LNX2: variants seen among roughly 807,000 people sequenced by gnomAD.
The protein encoded by LNX2 is ligand of numb-protein X 2.
LNX2 carries 35 observed loss-of-function variants against 66.2 expected under a neutral mutation model. The observed-to-expected ratio is 0.53, with a 90% confidence interval of 0.40 to 0.70. The LOEUF is 0.70. LNX2 is among the 30% of genes least tolerant of loss of function. LNX2 has a pLI of 0.00. For synonymous variants in LNX2, 337 were observed against 315.6 expected, an observed-to-expected ratio of 1.07 and a Z score of -0.72; for missense variants, 791 against 850.8, an observed-to-expected ratio of 0.93 and a Z score of 0.87.
chr13:27,555,895 A>C (rs1955054504), intron 7 of LNX2, among the ~76,000 whole-genome samples: 2 of 152,202 alleles, frequency 1.3e-5, no homozygotes, highest in African/African-American at 4.8e-5. Context: ...CCCCTTCTAC[A>C]CAGACACTTT....
Position 27,548,431 on chromosome 13 carries a change from G to C in LNX2, c.1977C>G (p.Thr659=), listed in dbSNP as rs369839358. ...DMIVAVNGLS[T]VGMSHSALVP... Reference sequence around the variant, plus strand: ...CTAGTGCAGAGTGGCTCATGCCCACGGTTGACAGCCCATTTACGGCCACAA... The same window carrying C: ...CTAGTGCAGAGTGGCTCATGCCCACCGTTGACAGCCCATTTACGGCCACAA... Residue 659 remains threonine, a synonymous_variant, in exon 10 of 10, where the codon ACC becomes ACG. Transcript: ENST00000316334. 6.2e-7 allele frequency: 1 copy of C among 1,614,010 alleles called. No individual in the cohort carries two copies. The highest frequency in any genetic ancestry group is 8.5e-7 in the Non-Finnish European group (1 of 1,179,950).
intron 1 of LNX2, among the ~76,000 whole-genome samples, chr13:27,613,817 C>G (rs116621222): frequency 6.6e-6 from 1 of 152,062 alleles, no homozygotes; most frequent in African/African-American, 2.4e-5. Context: ...AAAGGTCACC[C>G]GGCTGCAAAT....
At chr13:27,554,023 T>C (rs140226190) in intron 7 of LNX2, among the ~76,000 whole-genome samples, 128 of 152,258 alleles carry the variant, frequency 8.4e-4, no homozygotes, top group African/African-American at 2.9e-3. Context: ...CTAAGTAATA[T>C]AATAAAAAAT....
chr13:27,562,750 T>C lies in LNX2; in HGVS notation c.887A>G (p.His296Arg), dbSNP rs1311199319. Reference sequence around the variant, plus strand: ...GGAAAGGACAGCTCGGGCATAGTTATGGGACACATTGCTGATATTGTAGTT... The same window carrying C: ...GGAAAGGACAGCTCGGGCATAGTTACGGGACACATTGCTGATATTGTAGTT... ...VNNYNISNVS[H>R]NYARAVLSQP... is the part of the protein sequence containing the mutation. The change falls in exon 5 of 10, where the codon CAT (histidine) becomes CGT (arginine). Residue 296 changes from histidine to arginine, a missense_variant. His to Arg is a conservative substitution (Grantham distance 29). Coordinates refer to ENST00000316334, the MANE Select transcript of LNX2 (RefSeq NM_153371.4). 6.8e-6 allele frequency: 11 copies of C among 1,613,478 alleles called. No individual in the cohort carries two copies. Among genetic ancestry groups the C allele is most frequent in the African/African-American group, 1.3e-5 (1 of 74,912 alleles).
chr13:27,554,127 ATT>A (rs1438575932), intron 7 of LNX2, among the ~76,000 whole-genome samples: 12 of 152,200 alleles, frequency 7.9e-5, no homozygotes, highest in Non-Finnish European at 1.8e-4. Flanking sequence ...ATCTCTCCCA[ATT>A]TATCATCAGT....
At position 27,575,559 on chromosome 13, in the gene LNX2, T is replaced by A. The variant is rs145253797; in HGVS notation, c.407+5738A>T. 1.6e-3 allele frequency among the ~76,000 whole-genome samples: 245 copies of A among 152,244 alleles called. 1 individual carries two copies. The highest frequency in any genetic ancestry group is 5.5e-3 in the African/African-American group (230 of 41,546). Reference sequence around the variant, plus strand: ...TTACTGCTTGAGTTGTGACATCTCATCTCCTGCCCTCAGACTGGGATCACT... The same window carrying A: ...TTACTGCTTGAGTTGTGACATCTCAACTCCTGCCCTCAGACTGGGATCACT... On this transcript the variant is annotated intron_variant, in intron 2 of 9. Transcript: ENST00000316334.
chr13:27,619,722 T>A (rs2138504473), intron 1 of LNX2, among the ~76,000 whole-genome samples: 1 of 152,370 alleles, frequency 6.6e-6, no homozygotes, highest in East Asian at 1.9e-4. Context: ...CAAAAGTCCT[T>A]GTTTAAAACG....
At chr13:27,559,364 T>C (rs554175727) in intron 6 of LNX2, among the ~76,000 whole-genome samples, 5 of 148,148 alleles carry the variant, frequency 3.4e-5, no homozygotes, top group Admixed American at 6.7e-5. Flanking sequence ...ATGCTATATA[T>C]GTACCTATCA....
At chr13:27,588,543 G>A (rs1003941703) in intron 1 of LNX2, among the ~76,000 whole-genome samples, 1 of 152,144 alleles carries the variant, frequency 6.6e-6, no homozygotes, top group African/African-American at 2.4e-5. Flanking sequence ...GCAACACAAG[G>A]GGTTATGTGA....
intron 1 of LNX2, among the ~76,000 whole-genome samples, chr13:27,582,842 G>C (rs533001104): frequency 6.6e-6 from 1 of 151,932 alleles, no homozygotes; most frequent in South Asian, 2.1e-4. Flanking sequence ...TATACCTAAT[G>C]TAACAAACCT....
rs1339848376 is a variant in LNX2 at position 27,546,823 on chromosome 13, GAT to G, written c.*1510_*1511del. ...GTATGTATAATATTAATAAGGTAAA[GAT>G]ATTTTTATCTTATTCACTTATTTAT... On this transcript the variant is annotated 3_prime_UTR_variant, in exon 10 of 10. Transcript: ENST00000316334. The G allele has an allele frequency of 6.6e-5, 10 of 152,002 alleles. No homozygotes were observed. Among genetic ancestry groups the G allele is most frequent in the Admixed American group, 2.0e-4 (3 of 15,258 alleles). The allele number at this position is 152,002 out of a possible 1,614,324, so 9.4% of individuals were successfully genotyped here.
intron 2 of LNX2, among the ~76,000 whole-genome samples, chr13:27,569,767 A>AC (rs1341534399): frequency 3.3e-5 from 5 of 152,224 alleles, no homozygotes; most frequent in Admixed American, 1.3e-4. Flanking sequence ...GGGTAGTGAG[A>AC]CATCTGAAGC....
intron 1 of LNX2, among the ~76,000 whole-genome samples, chr13:27,610,586 G>T (rs1955761906): frequency 6.6e-6 from 1 of 152,104 alleles, no homozygotes; most frequent in Non-Finnish European, 1.5e-5. Flanking sequence ...CATGACACTG[G>T]ATTTGGCAAG....
At chr13:27,590,977 CATATATATGTGTGTGTGT>C (rs1955540817) in intron 1 of LNX2, among the ~76,000 whole-genome samples, 8 of 151,912 alleles carry the variant, frequency 5.3e-5, no homozygotes, top group Admixed American at 3.9e-4. Flanking sequence ...TGTATATATA[CATATATATGTGTGTGTGT>C]ATATATATGT....
chr13:27,614,882 G>C (rs762431334), intron 1 of LNX2, among the ~76,000 whole-genome samples: 19 of 152,050 alleles, frequency 1.2e-4, no homozygotes, highest in Non-Finnish European at 2.4e-4. Context: ...ATAAAACAAA[G>C]TGATAGACAA....
chr13:27,567,571 T>C, intron 4 of LNX2, 69 bp downstream of exon 4: 1 of 1,367,726 alleles, frequency 7.3e-7, no homozygotes, highest in South Asian at 1.2e-5. Context: ...AACAGCACAA[T>C]TTTCTAAGGT....
intron 1 of LNX2, among the ~76,000 whole-genome samples, chr13:27,582,948 G>A (rs1490733624): frequency 1.3e-5 from 2 of 152,042 alleles, no homozygotes; most frequent in Non-Finnish European, 2.9e-5. Flanking sequence ...GCGTATGTAT[G>A]ATTTGAATAC....
At chr13:27,618,509 T>C (rs1211077573) in intron 1 of LNX2, among the ~76,000 whole-genome samples, 2 of 152,178 alleles carry the variant, frequency 1.3e-5, no homozygotes, top group African/African-American at 4.8e-5. Context: ...CTCCAGACGC[T>C]GCAGATATCT....
Position 27,562,632 on chromosome 13 carries a change from T to A in LNX2, c.1005A>T (p.Glu335Asp). The A allele has an allele frequency of 6.2e-7, 1 of 1,614,164 alleles. No homozygotes were observed. Among genetic ancestry groups the A allele is most frequent in the East Asian group, 2.2e-5 (1 of 44,860 alleles). ...TATGAAGAGCCACTTGGAAAATCTC[T>A]TCTCGTGGAGAGTTACTATCAGAAT... ...HNHSDSNSPR[E>D]EIFQVALHKR... The change falls in exon 5 of 10, where the codon GAA becomes GAT. Residue 335 changes from glutamate (E) to aspartate (D), a missense_variant. Physicochemically the swap from Glu to Asp is conservative, Grantham distance 45. Transcript: ENST00000316334.
Sources: allele counts gnomAD v4.1 joint callset (sites outside exome capture counted in the v4.1 genomes callset), GRCh38; gene constraint gnomAD v4.1.1; transcripts MANE v1.5; gene names NCBI Gene and HGNC (gene_info 2026-07-23, HGNC 2026-07-21).